Variants in PSMC3 observed in about 807,000 individuals in gnomAD.
PSMC3 encodes 26S proteasome regulatory subunit 6A.
In PSMC3, 11 loss-of-function variants were observed where a neutral mutation model predicts 52.0. The ratio of observed to expected loss-of-function variants is 0.21; its 90% CI spans 0.13 to 0.35. The LOEUF (loss-of-function observed/expected upper bound fraction) is 0.35. Ranked by LOEUF, PSMC3 falls within the 10% of genes least tolerant of loss-of-function variation. The pLI is 1.00. For missense variants in PSMC3, 238 were observed against 567.1 expected (o/e 0.42, Z 5.89); for synonymous variants, 201 against 218.8 (o/e 0.92, Z 0.72).
Position 47,422,429 on chromosome 11 carries a change from T to C in PSMC3, c.884+145A>G. On this transcript the variant is annotated intron_variant, in intron 8 of 11. Transcript: ENST00000298852. This position sits in a 1 kb window ranked among gnomAD's most constrained non-coding sequence, Gnocchi z 4.3. ...GAGGCTATTGATCAGGAGTTAGGAATTGGAATCTCAAGAGTTGAGGAGCCA... is the reference window on the plus strand; with the variant it reads ...GAGGCTATTGATCAGGAGTTAGGAACTGGAATCTCAAGAGTTGAGGAGCCA... The C allele has an allele frequency of 3.2e-6, 3 of 950,150 alleles. No homozygotes were observed. The highest frequency in any genetic ancestry group is 1.6e-6 in the Non-Finnish European group (1 of 630,534). The allele number at this position is 950,150 out of a possible 1,614,324, so 58.9% of individuals were successfully genotyped here. A position where few individuals can be genotyped will look rare whatever the true frequency, so the allele number is the denominator to read the frequency against.
At chr11:47,420,449 T>A in intron 9 of PSMC3, 40 bp from the exon 10 acceptor site, 4 of 1,594,260 alleles carry the variant, frequency 2.5e-6, no homozygotes, top group Non-Finnish European at 3.4e-6. Flanking sequence ...AGCAAGGTGT[T>A]CACAGATGGG....
intron 6 of PSMC3, among the ~76,000 whole-genome samples, chr11:47,423,725 G>T (rs1158047510): frequency 6.6e-6 from 1 of 152,064 alleles, no homozygotes; most frequent in Non-Finnish European, 1.5e-5. Flanking sequence ...GGAGGCAGAG[G>T]TTGCGGTGAG....
Position 47,426,377 on chromosome 11 carries a change from T to A in PSMC3, c.-98A>T. 8.8e-7 allele frequency: 1 copy of A among 1,130,498 alleles called. No individual in the cohort carries two copies. Among genetic ancestry groups the A allele is most frequent in the Non-Finnish European group, 1.2e-6 (1 of 808,800 alleles). The allele number at this position is 1,130,498 out of a possible 1,614,324, so 70.0% of individuals were successfully genotyped here. ...GCCTTCTCTTGACCAGTGGAAAACC[T>A]CTCCCCACAAATCCCGACTCTTGAC... is the stretch of plus-strand genomic sequence containing the variant. On this transcript the variant is annotated 5_prime_UTR_variant, in exon 1 of 12. Transcript: ENST00000298852.
At position 47,422,535 on chromosome 11, in the gene PSMC3, C is replaced by G. The variant is rs776231224; in HGVS notation, c.884+39G>C. 4.3e-6 allele frequency: 7 copies of G among 1,610,106 alleles called. No homozygotes were observed. In the South Asian group the frequency reaches 5.5e-5, roughly 13 times the overall value. ...TGAGAGTCAACCCGCTTCCCCTTAC[C>G]GCCACAGAGATCGCTAGGGACCCTT... On this transcript the variant is annotated intron_variant, in intron 8 of 11. Coordinates refer to ENST00000298852, the MANE Select transcript of PSMC3 (RefSeq NM_002804.5). The surrounding 1 kb of genome is among the most constrained non-coding windows in gnomAD (Gnocchi z 4.3).
chr11:47,424,558 C>T lies in PSMC3; in HGVS notation c.390+49G>A. On this transcript the variant is annotated intron_variant, in intron 4 of 11. Coordinates refer to ENST00000298852, the MANE Select transcript of PSMC3 (RefSeq NM_002804.5). The surrounding 1 kb of genome is among the most constrained non-coding windows in gnomAD (Gnocchi z 4.8). ...GGGAAGGCTCCCTAGTCCTGTCCCA[C>T]ATCCGCTCCTCACCCTCCTCCAGTC... 1 of 1,606,168 alleles carries T rather than the reference C, an allele frequency of 6.2e-7. No homozygotes were observed. Among genetic ancestry groups the T allele is most frequent in the Non-Finnish European group, 8.5e-7 (1 of 1,172,718 alleles).
chr11:47,419,126 C>T lies in PSMC3; in HGVS notation c.1199G>A (p.Cys400Tyr), dbSNP rs764028067. Residue 400 changes from cysteine (C) to tyrosine (Y), a missense_variant, in exon 11 of 12, where the codon TGT (cysteine) becomes TAT (tyrosine). By Grantham distance (194) the Cys-to-Tyr change is radical. This residue lies in a region of PSMC3 where 23 missense variants were observed against 64.6 expected (regional missense o/e 0.36). Coordinates refer to ENST00000298852, the MANE Select transcript of PSMC3 (RefSeq NM_002804.5). ...DFNGAQCKAV[C>Y]VEAGMIALRR... ...CAGCTGACCACTCACCGCCTCCACACACACAGCCTTGCACTGGGCCCCATT... is the reference window on the plus strand; with the variant it reads ...CAGCTGACCACTCACCGCCTCCACATACACAGCCTTGCACTGGGCCCCATT... 1 of 1,614,230 alleles carries T rather than the reference C, an allele frequency of 6.2e-7. No homozygotes were observed. Among genetic ancestry groups the T allele is most frequent in the Non-Finnish European group, 8.5e-7 (1 of 1,180,038 alleles).
intron 1 of PSMC3, 46 bp downstream of exon 1, chr11:47,426,159 C>T: frequency 6.5e-7 from 1 of 1,532,340 alleles, no homozygotes; most frequent in Non-Finnish European, 8.8e-7. Context: ...AATGGCGTCT[C>T]CCTGCGGGCC....
At position 47,418,954 on chromosome 11, in the gene PSMC3, G is replaced by A. The variant is rs751803407; in HGVS notation, c.1210-9C>T. The A allele has an allele frequency of 1.2e-5, 20 of 1,613,584 alleles. No individual in the cohort carries two copies. Among genetic ancestry groups the A allele is most frequent in the African/African-American group, 4.0e-5 (3 of 74,916 alleles). ...CGCAGTGCGATCATGCCCTACAGCCGGGACAAACAGAGTCTAGGTCTGAAC... is the reference window on the plus strand; with the variant it reads ...CGCAGTGCGATCATGCCCTACAGCCAGGACAAACAGAGTCTAGGTCTGAAC... On this transcript the variant is annotated splice_polypyrimidine_tract_variant and intron_variant, in intron 11 of 11. Transcript: ENST00000298852.
chr11:47,419,572 G>A (rs964514527), intron 10 of PSMC3, among the ~76,000 whole-genome samples: 7 of 152,064 alleles, frequency 4.6e-5, no homozygotes, highest in Admixed American at 6.6e-5. Context: ...AGAAAAGTGA[G>A]GCTGAGGCCG....
intron 10 of PSMC3, 70 bp downstream of exon 10, chr11:47,420,194 A>C: frequency 1.3e-6 from 2 of 1,570,088 alleles, no homozygotes; most frequent in Non-Finnish European, 1.7e-6. Context: ...AGATCAGTAC[A>C]GAGAAGCATG....
chr11:47,425,417 A>T, intron 2 of PSMC3, 171 bp from the exon 3 acceptor site: 1 of 771,414 alleles, frequency 1.3e-6, no homozygotes, highest in East Asian at 2.7e-5. Flanking sequence ...CAGAAGTCAA[A>T]AGAGGAGGCC....
At chr11:47,419,720 G>A (rs7120697) in intron 10 of PSMC3, among the ~76,000 whole-genome samples, 149,415 of 151,808 alleles carry the variant, frequency 0.98, 73,552 homozygotes, top group Non-Finnish European at 1. Flanking sequence ...TTAGCCGGGC[G>A]TGGTGGCGGG....
chr11:47,425,587 A>T (rs1404102936), intron 2 of PSMC3: 1 of 531,516 alleles, frequency 1.9e-6, no homozygotes, highest in East Asian at 3.0e-5. Flanking sequence ...TAAAATAGGC[A>T]TTTTACTAAA....
At chr11:47,420,169 C>G in intron 10 of PSMC3, 95 bp downstream of exon 10, 1 of 1,455,672 alleles carries the variant, frequency 6.9e-7, no homozygotes, top group East Asian at 2.3e-5. Context: ...AGGTGGTGGT[C>G]GTGGAGGCTG....
rs781614081 is a variant in PSMC3 at position 47,425,960 on chromosome 11, A to G, written c.76-10T>C. 39 of 1,608,250 alleles carry G rather than the reference A, an allele frequency of 2.4e-5. No individual in the cohort carries two copies. The highest frequency in any genetic ancestry group is 2.9e-5 in the Non-Finnish European group (34 of 1,174,906). ...CCCCAATTCCATCTTGCTGTAAAAA[A>G]TTATTTGTTTATTTATATATTTACT... On this transcript the variant is annotated splice_polypyrimidine_tract_variant and intron_variant, in intron 1 of 11. Transcript: ENST00000298852.
rs577328816 is a variant in PSMC3 at position 47,426,172 on chromosome 11, G to C, written c.75+33C>G. The C allele has an allele frequency of 4.8e-5, 75 of 1,548,240 alleles. 1 individual carries two copies. In the African/African-American group the frequency reaches 9.6e-4, roughly 20 times the overall value. ...TCAATGGCGTCTCCCTGCGGGCCCC[G>C]GTTCCCGGACCGCCAGCTCGCCCGG... On this transcript the variant is annotated intron_variant, in intron 1 of 11. Transcript: ENST00000298852.
intron 10 of PSMC3, among the ~76,000 whole-genome samples, chr11:47,419,942 A>G (rs567951515): frequency 6.6e-6 from 1 of 151,804 alleles, no homozygotes; most frequent in Non-Finnish European, 1.5e-5. Flanking sequence ...ACTCAAGTCC[A>G]TCTGGTCCCG....
chr11:47,425,756 G>A lies in PSMC3; in HGVS notation c.159+111C>T, dbSNP rs1260577944. 30 of 883,108 alleles carry A rather than the reference G, an allele frequency of 3.4e-5. No individual in the cohort carries two copies. In the East Asian group the frequency reaches 7.1e-4, roughly 21 times the overall value. The allele number at this position is 883,108 out of a possible 1,614,324, so 54.7% of individuals were successfully genotyped here. A position where few individuals can be genotyped will look rare whatever the true frequency, so the allele number is the denominator to read the frequency against. ...TCTTCCTGATATGAGGGGGAAGCCC[G>A]AGCCCCATGTCTCCCCCAGGGTGCC... On this transcript the variant is annotated intron_variant, in intron 2 of 11. Coordinates refer to ENST00000298852, the MANE Select transcript of PSMC3 (RefSeq NM_002804.5).
In PSMC3 at chr11:47,426,353, C is replaced by T. The variant is rs958577646; in HGVS notation, c.-74G>A. The T allele has an allele frequency of 2.2e-6, 3 of 1,349,264 alleles. No homozygotes were observed. Among genetic ancestry groups the T allele is most frequent in the Non-Finnish European group, 3.0e-6 (3 of 984,062 alleles). 83.6% of individuals were successfully genotyped at this position (1,349,264 alleles called of 1,614,324 possible). A position where few individuals can be genotyped will look rare whatever the true frequency, so the allele number is the denominator to read the frequency against. On this transcript the variant is annotated 5_prime_UTR_variant, in exon 1 of 12. Transcript: ENST00000298852. ...GAGATTAATACCGTCTTTCTTAAAGCCTTCTCTTGACCAGTGGAAAACCTC... is the reference window on the plus strand; with the variant it reads ...GAGATTAATACCGTCTTTCTTAAAGTCTTCTCTTGACCAGTGGAAAACCTC...
Sources: gnomAD v4.1 joint callset for allele counts (sites outside exome capture counted in the v4.1 genomes callset) on GRCh38, gnomAD v4.1.1 for gene constraint, gnomAD v4.1.1 regional missense constraint, Gnocchi (gnomAD v3.1) non-coding constraint, MANE v1.5 for transcripts, NCBI Gene and HGNC (gene_info 2026-07-23, HGNC 2026-07-21) for gene names.